BAZ2B: variants seen among roughly 807,000 people sequenced by gnomAD.
BAZ2B encodes bromodomain adjacent to zinc finger domain protein 2B.
A neutral mutation model predicts 246.0 loss-of-function variants in BAZ2B; 91 were observed. The ratio of observed to expected loss-of-function variants is 0.37; its 90% CI spans 0.31 to 0.44. The LOEUF is 0.44. Ranked by LOEUF, BAZ2B falls within the 20% of genes least tolerant of loss-of-function variation. The pLI is 1.00. For missense variants in BAZ2B, 2,332 were observed against 2,533.7 expected, an observed-to-expected ratio of 0.92 and a Z score of 1.71; for synonymous variants, 855 against 860.0, an observed-to-expected ratio of 0.99 and a Z score of 0.10.
In BAZ2B at chr2:159,365,123, T is replaced by C. The variant is rs114241071; in HGVS notation, c.4213+7922A>G. Among the ~76,000 whole-genome samples, 542 of 152,288 alleles carry C rather than the reference T, an allele frequency of 3.6e-3. 3 individuals carry two copies. The highest frequency in any genetic ancestry group is 0.013 in the African/African-American group (520 of 41,546). On this transcript the variant is annotated intron_variant, in intron 27 of 36. Coordinates refer to ENST00000392783, the MANE Select transcript of BAZ2B (RefSeq NM_013450.4). ...TATTATATATTGGGGTTTCTAGATATGATACAATTAAGCAATGAAAGTGCT... is the reference window on the plus strand; with the variant it reads ...TATTATATATTGGGGTTTCTAGATACGATACAATTAAGCAATGAAAGTGCT...
chr2:159,552,309 T>C (rs950911570), intron 2 of BAZ2B, among the ~76,000 whole-genome samples: 1 of 152,142 alleles, frequency 6.6e-6, no homozygotes, highest in Non-Finnish European at 1.5e-5. Flanking sequence ...TAGAAATCTA[T>C]TTATTAAAAC....
chr2:159,655,953 T>G, the BAZ2B span, among the ~76,000 whole-genome samples: 1 of 152,172 alleles, frequency 6.6e-6, no homozygotes, highest in Non-Finnish European at 1.5e-5. Flanking sequence ...ATCTAACATC[T>G]GGGCCCACTC....
chr2:159,411,553 T>C (rs2066844773), intron 14 of BAZ2B, among the ~76,000 whole-genome samples: 1 of 152,206 alleles, frequency 6.6e-6, no homozygotes, highest in Non-Finnish European at 1.5e-5. Context: ...TACATATCTT[T>C]ATATATATGC....
At chr2:159,386,917 T>C (rs973113281) in intron 21 of BAZ2B, among the ~76,000 whole-genome samples, 1 of 152,154 alleles carries the variant, frequency 6.6e-6, no homozygotes, top group African/African-American at 2.4e-5. Flanking sequence ...TCAACTGACA[T>C]ATCCATATTA....
At chr2:159,369,241 A>G (rs947200590) in intron 27 of BAZ2B, among the ~76,000 whole-genome samples, 8 of 152,200 alleles carry the variant, frequency 5.3e-5, no homozygotes, top group African/African-American at 1.9e-4. Context: ...GATTATTATT[A>G]TAATAAACAA....
chr2:159,686,996 T>G, the BAZ2B span, among the ~76,000 whole-genome samples: 1 of 138,954 alleles, frequency 7.2e-6, no homozygotes, highest in East Asian at 2.2e-4. Flanking sequence ...GAGCCGAGAT[T>G]GCGCCACTAC....
At chr2:159,362,488 T>C (rs1435441050) in intron 27 of BAZ2B, among the ~76,000 whole-genome samples, 1 of 152,156 alleles carries the variant, frequency 6.6e-6, no homozygotes, top group African/African-American at 2.4e-5. Flanking sequence ...TGTGGAATCA[T>C]TATGGAGGCT....
Position 159,365,875 on chromosome 2 carries a change from A to G in BAZ2B, c.4213+7170T>C, listed in dbSNP as rs1027175271. Among the ~76,000 whole-genome samples, 7 of 152,220 alleles carry G rather than the reference A, an allele frequency of 4.6e-5. No individual in the cohort carries two copies. The East Asian group carries it at 9.6e-4, about 21-fold the overall frequency. On this transcript the variant is annotated intron_variant, in intron 27 of 36. Transcript: ENST00000392783. Reference sequence around the variant, plus strand: ...AAGTGAAAGTGTGGTTGGAGCATGAATAACTCTCTCTTCACCTTTCTTGCA... The same window carrying G: ...AAGTGAAAGTGTGGTTGGAGCATGAGTAACTCTCTCTTCACCTTTCTTGCA...
intron 8 of BAZ2B, chr2:159,437,895 C>G (rs1230027235): frequency 6.3e-6 from 1 of 157,896 alleles, no homozygotes; most frequent in African/African-American, 2.5e-5. Context: ...CCAGCCTCGG[C>G]AACAGATTGA....
chr2:159,383,472 T>A, intron 24 of BAZ2B, 134 bp downstream of exon 24: 1 of 762,536 alleles, frequency 1.3e-6, no homozygotes, highest in Non-Finnish European at 2.1e-6. Context: ...ATTAATTTTA[T>A]ATCCCATCTA....
intron 13 of BAZ2B, among the ~76,000 whole-genome samples, chr2:159,422,655 A>G (rs2068974668): frequency 6.6e-6 from 1 of 152,182 alleles, no homozygotes; most frequent in African/African-American, 2.4e-5. Context: ...TCTGAACATC[A>G]GCCTTGGCAA....
chr2:159,474,842 T>C (rs1452969726), intron 3 of BAZ2B, among the ~76,000 whole-genome samples: 1 of 152,242 alleles, frequency 6.6e-6, no homozygotes, highest in African/African-American at 2.4e-5. Flanking sequence ...TATGAAATTC[T>C]GGATTGAAAA....
chr2:159,403,198 T>C (rs2065366687), intron 16 of BAZ2B, among the ~76,000 whole-genome samples: 1 of 142,536 alleles, frequency 7.0e-6, no homozygotes, highest in Non-Finnish European at 1.5e-5. Context: ...ATAGACCCTA[T>C]ATAACAGAGA....
At chr2:159,621,535 G>T (rs931860823), upstream of BAZ2B, among the ~76,000 whole-genome samples, 1 of 152,168 alleles carries the variant, frequency 6.6e-6, no homozygotes, top group Non-Finnish European at 1.5e-5. Flanking sequence ...AACCTTTAAA[G>T]CTTAATAGTT....
At chr2:159,534,500 A>T (rs1013467487) in intron 2 of BAZ2B, among the ~76,000 whole-genome samples, 2 of 152,252 alleles carry the variant, frequency 1.3e-5, no homozygotes, top group African/African-American at 4.8e-5. Flanking sequence ...TAGAAAAGAA[A>T]AAGTAAAATT....
the BAZ2B span, among the ~76,000 whole-genome samples, chr2:159,670,989 G>T: frequency 1.3e-5 from 2 of 152,082 alleles, no homozygotes; most frequent in South Asian, 4.2e-4. Flanking sequence ...AAAAATGTTG[G>T]CCTTCAAATT....
At chr2:159,527,012 C>A (rs184360691) in intron 2 of BAZ2B, among the ~76,000 whole-genome samples, 5 of 151,738 alleles carry the variant, frequency 3.3e-5, no homozygotes, top group African/African-American at 1.2e-4. Flanking sequence ...TTTACATTCC[C>A]ACTGGTAATG....
the BAZ2B span, among the ~76,000 whole-genome samples, chr2:159,655,738 C>A: frequency 6.6e-6 from 1 of 152,090 alleles, no homozygotes; most frequent in African/African-American, 2.4e-5. Context: ...GCTGCTAAGT[C>A]CATCAAGTAA....
Position 159,364,351 on chromosome 2 carries a change from T to C in BAZ2B, c.4213+8694A>G, listed in dbSNP as rs568180221. 2.0e-5 allele frequency among the ~76,000 whole-genome samples: 3 copies of C among 152,266 alleles called. No individual in the cohort carries two copies. In the South Asian group the frequency reaches 6.2e-4, roughly 32 times the overall value. On this transcript the variant is annotated intron_variant, in intron 27 of 36. Transcript: ENST00000392783. Reference sequence around the variant, plus strand: ...TTGGACCTTTTGCGTGAATTCTAGTTGTTTCTTTATCAGGGTGGGGTAATT... The same window carrying C: ...TTGGACCTTTTGCGTGAATTCTAGTCGTTTCTTTATCAGGGTGGGGTAATT...
Sources: gnomAD v4.1 joint callset for allele counts (sites outside exome capture counted in the v4.1 genomes callset) on GRCh38, gnomAD v4.1.1 for gene constraint, MANE v1.5 for transcripts, NCBI Gene and HGNC (gene_info 2026-07-23, HGNC 2026-07-21) for gene names.